Variants in MGMT observed in about 807,000 individuals in gnomAD.
The protein encoded by MGMT is O-6-methylguanine-DNA methyltransferase, also known as methylated-DNA--protein-cysteine methyltransferase.
MGMT carries 14 observed loss-of-function variants against 15.9 expected under a neutral mutation model. The ratio of observed to expected loss-of-function variants is 0.88; its 90% confidence interval spans 0.58 to 1.37. MGMT has a LOEUF of 1.37. Among genes scored for constraint, MGMT ranks in the 40% most tolerant of loss-of-function variants. The pLI, the probability that MGMT is intolerant of heterozygous loss-of-function variation, is 0.00. For synonymous variants in MGMT, 130 were observed against 118.2 expected (o/e 1.10, Z -0.65); for missense variants, 282 against 268.1 (o/e 1.05, Z -0.36).
intron 1 of MGMT, among the ~76,000 whole-genome samples, chr10:129,469,551 C>T (rs1426740220): frequency 1.3e-5 from 2 of 152,304 alleles, no homozygotes; most frequent in East Asian, 3.9e-4. Flanking sequence ...ACTCTAGTCC[C>T]TCCAGGGGAC....
intron 2 of MGMT, among the ~76,000 whole-genome samples, chr10:129,698,479 T>C (rs1848058235): frequency 6.6e-6 from 1 of 152,222 alleles, no homozygotes; most frequent in South Asian, 2.1e-4. Flanking sequence ...AATGACTCTT[T>C]AAAAGTTTAT....
At position 129,473,506 on chromosome 10, in the gene MGMT, C is replaced by T. The variant is rs181510004; in HGVS notation, c.-13+6210C>T. ...CCTCGGAGAGTTTGAGTGACTTGCA[C>T]AGGTCTCCTGGGATAGAGGTAGAGT... is the stretch of plus-strand genomic sequence containing the variant. On this transcript the variant is annotated intron_variant, in intron 1 of 4. Coordinates refer to ENST00000651593, the MANE Select transcript of MGMT (RefSeq NM_002412.5). 2.6e-3 allele frequency among the ~76,000 whole-genome samples: 393 copies of T among 152,314 alleles called. 10 individuals carry two copies. Among genetic ancestry groups the T allele is most frequent in the Non-Finnish European group, 3.4e-3 (233 of 68,032 alleles).
chr10:129,766,013 C>T (rs970262105), intron 4 of MGMT, among the ~76,000 whole-genome samples: 2 of 152,168 alleles, frequency 1.3e-5, no homozygotes, highest in African/African-American at 2.4e-5. Context: ...AGGAGGCGCC[C>T]GCCCCTCTGG....
chr10:129,468,684 A>G (rs1399072774), intron 1 of MGMT, among the ~76,000 whole-genome samples: 3 of 152,120 alleles, frequency 2.0e-5, no homozygotes, highest in African/African-American at 7.2e-5. Flanking sequence ...CAGGAGTTTG[A>G]GACCAGCCTG....
At chr10:129,538,678 T>A (rs1846011716) in intron 2 of MGMT, among the ~76,000 whole-genome samples, 1 of 152,174 alleles carries the variant, frequency 6.6e-6, no homozygotes, top group Middle Eastern at 3.4e-3. Flanking sequence ...CTCTGTCACC[T>A]AGGCTGGAGT....
At chr10:129,604,018 G>A (rs770513243) in intron 2 of MGMT, among the ~76,000 whole-genome samples, 27 of 152,112 alleles carry the variant, frequency 1.8e-4, no homozygotes, top group Non-Finnish European at 3.4e-4. Flanking sequence ...GTGTGTCTGC[G>A]GGTGCCAGAG....
At chr10:129,510,067 G>A (rs1312940022) in intron 1 of MGMT, among the ~76,000 whole-genome samples, 3 of 152,208 alleles carry the variant, frequency 2.0e-5, no homozygotes. Flanking sequence ...CCCGCAGGGT[G>A]CTGTCCTCTG....
At chr10:129,726,214 G>A (rs1226248979) in intron 3 of MGMT, among the ~76,000 whole-genome samples, 1 of 152,100 alleles carries the variant, frequency 6.6e-6, no homozygotes, top group East Asian at 1.9e-4. Flanking sequence ...AGCTCCAACA[G>A]CTGATCCTTG....
intron 2 of MGMT, among the ~76,000 whole-genome samples, chr10:129,599,070 A>T (rs906186192): frequency 3.9e-5 from 6 of 152,248 alleles, no homozygotes; most frequent in African/African-American, 1.4e-4. Context: ...TGAGCAACGA[A>T]CAATTCGCAA....
At chr10:129,745,376 C>T (rs943759824) in intron 3 of MGMT, among the ~76,000 whole-genome samples, 7 of 152,040 alleles carry the variant, frequency 4.6e-5, no homozygotes, top group Non-Finnish European at 1.0e-4. Context: ...GACACCCCCA[C>T]GCCGCCCCCT....
At chr10:129,710,996 A>T (rs562262916) in intron 3 of MGMT, among the ~76,000 whole-genome samples, 16 of 152,286 alleles carry the variant, frequency 1.1e-4, no homozygotes, top group African/African-American at 3.4e-4. Context: ...CAACATTTTT[A>T]AAAATGTGAT....
intron 2 of MGMT, among the ~76,000 whole-genome samples, chr10:129,636,923 G>T (rs927158004): frequency 2.0e-5 from 3 of 152,146 alleles, no homozygotes; most frequent in Non-Finnish European, 4.4e-5. Context: ...TTATAGAGCC[G>T]AGTTTAAATT....
intron 2 of MGMT, among the ~76,000 whole-genome samples, chr10:129,627,764 C>CT (rs1847167201): frequency 6.6e-6 from 1 of 152,174 alleles, no homozygotes; most frequent in Admixed American, 6.5e-5. Flanking sequence ...TTTATAGACA[C>CT]TCGACTGTCA....
At chr10:129,542,310 T>G (rs1846051102) in intron 2 of MGMT, among the ~76,000 whole-genome samples, 1 of 152,158 alleles carries the variant, frequency 6.6e-6, no homozygotes, top group African/African-American at 2.4e-5. Flanking sequence ...GGCCTCTCCG[T>G]GCAGGTCGGT....
chr10:129,568,866 T>C (rs889340122), intron 2 of MGMT, among the ~76,000 whole-genome samples: 3 of 152,170 alleles, frequency 2.0e-5, no homozygotes, highest in African/African-American at 7.2e-5. Flanking sequence ...TGGCCAGTCC[T>C]CTCCTTATTC....
intron 2 of MGMT, among the ~76,000 whole-genome samples, chr10:129,641,710 G>A (rs543579655): frequency 7.9e-5 from 12 of 152,112 alleles, no homozygotes; most frequent in Admixed American, 7.8e-4. Flanking sequence ...TTTGATACTC[G>A]GCTGACAATT....
At chr10:129,597,809 C>T (rs1181397408) in intron 2 of MGMT, among the ~76,000 whole-genome samples, 1 of 152,192 alleles carries the variant, frequency 6.6e-6, no homozygotes, top group Non-Finnish European at 1.5e-5. Flanking sequence ...TCCTTCTCTA[C>T]AGAAGTGGCT....
intron 1 of MGMT, among the ~76,000 whole-genome samples, chr10:129,502,484 T>A (rs1366639932): frequency 6.6e-6 from 1 of 152,114 alleles, no homozygotes; most frequent in Admixed American, 6.5e-5. Flanking sequence ...TATTTGCTTT[T>A]TGATTAAAAA....
chr10:129,510,856 C>A (rs1453409354), intron 1 of MGMT, among the ~76,000 whole-genome samples: 1 of 150,244 alleles, frequency 6.7e-6, no homozygotes, highest in African/African-American at 2.5e-5. Context: ...CAGTAGGAAC[C>A]CCATATATCG....
Sources: allele counts gnomAD v4.1 joint callset (sites outside exome capture counted in the v4.1 genomes callset), GRCh38; gene constraint gnomAD v4.1.1; transcripts MANE v1.5; gene names NCBI Gene and HGNC (gene_info 2026-07-23, HGNC 2026-07-21).